Variants in MYO3B observed in about 807,000 individuals in gnomAD.
MYO3B encodes the protein myosin IIIB.
In MYO3B, 156 loss-of-function variants were observed where a neutral mutation model predicts 174.6. The ratio of observed to expected loss-of-function variants is 0.89; its 90% CI spans 0.78 to 1.02. The LOEUF is 1.02. Among genes scored for constraint, MYO3B ranks in the 50% least tolerant of loss-of-function variants. The probability of loss-of-function intolerance (pLI) is 0.00; values close to 1 mark genes in which losing one functional copy is unlikely to be tolerated. For missense variants in MYO3B, 1,632 were observed against 1,639.4 expected (o/e 1.00, Z 0.08); for synonymous variants, 563 against 569.1 (o/e 0.99, Z 0.15).
chr2:170,643,035 A>G (rs1197467704), intron 32 of MYO3B, among the ~76,000 whole-genome samples: 4 of 121,544 alleles, frequency 3.3e-5, no homozygotes, highest in African/African-American at 1.1e-4. Flanking sequence ...AAGAGATTTG[A>G]AAAAAAAAAA....
rs1026390590 is a variant in MYO3B, at chr2:170,374,383, T to C, written c.971+5006T>C. Among the ~76,000 whole-genome samples, 12 of 152,232 alleles carry C rather than the reference T, an allele frequency of 7.9e-5. No individual in the cohort carries two copies. The South Asian group carries it at 1.5e-3, about 18-fold the overall frequency. ...AAGAGCAGATTCAGTGAGGGGATGA[T>C]GAGAAAAGGGATTGTAGAACTGAGA... On this transcript the variant is annotated intron_variant, in intron 9 of 34. Transcript: ENST00000408978.
At chr2:170,626,711 C>T (rs1392881266) in intron 32 of MYO3B, among the ~76,000 whole-genome samples, 2 of 152,326 alleles carry the variant, frequency 1.3e-5, no homozygotes, top group South Asian at 4.1e-4. Flanking sequence ...ATGTTTAGTG[C>T]ATCCTTCAGG....
chr2:170,467,250 GA>G (rs1684702122), intron 25 of MYO3B, among the ~76,000 whole-genome samples: 1 of 152,176 alleles, frequency 6.6e-6, no homozygotes, highest in Non-Finnish European at 1.5e-5. Flanking sequence ...ACTTGGGTAT[GA>G]AAAGAAAGTA....
intron 32 of MYO3B, among the ~76,000 whole-genome samples, chr2:170,602,904 T>C (rs796204277): frequency 1.1e-4 from 16 of 152,114 alleles, no homozygotes; most frequent in African/African-American, 3.6e-4. Context: ...CTGTCTCTAC[T>C]AAAAATATAA....
intron 9 of MYO3B, among the ~76,000 whole-genome samples, chr2:170,379,819 G>A (rs1355804357): frequency 6.6e-6 from 1 of 152,160 alleles, no homozygotes; most frequent in East Asian, 1.9e-4. Context: ...CTGGTTCTAG[G>A]ACTGGAGATG....
intron 3 of MYO3B, among the ~76,000 whole-genome samples, chr2:170,209,164 A>G (rs1268668296): frequency 1.3e-5 from 2 of 152,158 alleles, no homozygotes; most frequent in East Asian, 3.8e-4. Context: ...AGTTTCTCCA[A>G]TTGCATCATA....
intron 7 of MYO3B, among the ~76,000 whole-genome samples, chr2:170,310,126 A>G (rs1274199303): frequency 3.3e-5 from 5 of 152,236 alleles, no homozygotes; most frequent in Non-Finnish European, 7.3e-5. Context: ...ACTGAATAAT[A>G]TTCCATTGAT....
intron 32 of MYO3B, among the ~76,000 whole-genome samples, chr2:170,643,548 C>T (rs1475965568): frequency 1.3e-5 from 2 of 152,144 alleles, no homozygotes; most frequent in Non-Finnish European, 2.9e-5. Flanking sequence ...TTAAATGCCC[C>T]AGGGGTATAG....
intron 25 of MYO3B, among the ~76,000 whole-genome samples, chr2:170,494,565 T>TA (rs1329321501): frequency 6.6e-6 from 1 of 151,256 alleles, no homozygotes; most frequent in Non-Finnish European, 1.5e-5. Flanking sequence ...CCGTCTCCAC[T>TA]AAAAATACAA....
At chr2:170,278,940 T>G (rs1252384184) in intron 7 of MYO3B, among the ~76,000 whole-genome samples, 1 of 152,218 alleles carries the variant, frequency 6.6e-6, no homozygotes, top group Non-Finnish European at 1.5e-5. Context: ...TCCTTGCTAC[T>G]GCAAGTGACA....
intron 8 of MYO3B, among the ~76,000 whole-genome samples, chr2:170,358,367 C>T (rs1210218236): frequency 6.6e-6 from 1 of 151,828 alleles, no homozygotes; most frequent in Non-Finnish European, 1.5e-5. Context: ...ATGAAATGTC[C>T]AGATTAGACA....
chr2:170,333,134 G>C (rs2093923526), intron 7 of MYO3B, among the ~76,000 whole-genome samples: 1 of 152,146 alleles, frequency 6.6e-6, no homozygotes, highest in Non-Finnish European at 1.5e-5. Flanking sequence ...GAAGATCAAG[G>C]AAAGTGCAAA....
intron 7 of MYO3B, among the ~76,000 whole-genome samples, chr2:170,262,859 AT>A (rs1301456716): frequency 6.6e-6 from 1 of 152,206 alleles, no homozygotes; most frequent in Non-Finnish European, 1.5e-5. Flanking sequence ...GTCTAGGACT[AT>A]AAATTTCTGA....
At chr2:170,230,999 C>A (rs2093009889) in intron 6 of MYO3B, among the ~76,000 whole-genome samples, 1 of 152,140 alleles carries the variant, frequency 6.6e-6, no homozygotes, top group South Asian at 2.1e-4. Flanking sequence ...TCTTCGTGAC[C>A]CAAGAGCTGC....
intron 28 of MYO3B, among the ~76,000 whole-genome samples, chr2:170,505,423 G>A (rs780013098): frequency 2.6e-5 from 4 of 151,926 alleles, no homozygotes; most frequent in African/African-American, 7.3e-5. Flanking sequence ...GTTAAAATCC[G>A]AAAAAAATTG....
intron 25 of MYO3B, among the ~76,000 whole-genome samples, chr2:170,473,523 A>T (rs1255003201): frequency 6.6e-6 from 1 of 152,108 alleles, no homozygotes; most frequent in Non-Finnish European, 1.5e-5. Flanking sequence ...ACAGATACCT[A>T]GAACTGGCTT....
At chr2:170,330,363 A>G (rs952495659) in intron 7 of MYO3B, among the ~76,000 whole-genome samples, 1 of 152,240 alleles carries the variant, frequency 6.6e-6, no homozygotes, top group Admixed American at 6.5e-5. Flanking sequence ...TTCACGAGAT[A>G]AAATACAGAA....
intron 32 of MYO3B, among the ~76,000 whole-genome samples, chr2:170,560,493 A>C (rs1309510840): frequency 6.6e-6 from 1 of 152,156 alleles, no homozygotes; most frequent in Non-Finnish European, 1.5e-5. Flanking sequence ...ATACGTGAAG[A>C]CTCAGTGTTC....
At chr2:170,214,294 T>A in intron 3 of MYO3B, 85 bp from the exon 4 acceptor site, 5 of 1,032,774 alleles carry the variant, frequency 4.8e-6, no homozygotes, top group Non-Finnish European at 7.3e-6. Context: ...TGAATCAGTA[T>A]CAGTCGGCTT....
Sources: allele counts gnomAD v4.1 joint callset (sites outside exome capture counted in the v4.1 genomes callset), GRCh38; gene constraint gnomAD v4.1.1; transcripts MANE v1.5; gene names NCBI Gene and HGNC (gene_info 2026-07-23, HGNC 2026-07-21).